Variants in TBX1 observed in about 807,000 individuals in gnomAD.
TBX1 encodes the protein T-box transcription factor TBX1.
TBX1 carries 16 observed loss-of-function variants against 40.8 expected under a neutral mutation model. That is an observed-to-expected ratio of 0.39 (90% confidence interval 0.27 to 0.60). TBX1 has a LOEUF of 0.60. Among genes scored for constraint, TBX1 ranks in the 20% least tolerant of loss-of-function variants. The probability of loss-of-function intolerance (pLI) is 0.51; values close to 1 mark genes in which losing one functional copy is unlikely to be tolerated. For missense variants in TBX1, 755 were observed against 728.5 expected, an observed-to-expected ratio of 1.04 and a Z score of -0.42; for synonymous variants, 403 against 336.8, an observed-to-expected ratio of 1.20 and a Z score of -2.15.
intron 4 of TBX1, 40 bp downstream of exon 4, chr22:19,765,153 T>G (rs773534217): frequency 3.8e-5 from 61 of 1,613,658 alleles, no homozygotes; most frequent in Non-Finnish European, 4.7e-5. Flanking sequence ...ATTCAACGCC[T>G]CTGGAAAAGC....
upstream of TBX1, chr22:19,759,560 G>C (rs1424894874): frequency 2.5e-6 from 4 of 1,581,700 alleles, no homozygotes; most frequent in African/African-American, 5.4e-5. Flanking sequence ...GGTTGCAGCG[G>C]AGGCGGCGGA....
intron 1 of TBX1, 75 bp downstream of exon 1, chr22:19,761,355 C>G (rs983862022): frequency 6.0e-5 from 85 of 1,415,614 alleles, no homozygotes; most frequent in Non-Finnish European, 7.5e-5. Flanking sequence ...GCCTGATCCG[C>G]GCGAGCGGGG....
chr22:19,763,383 C>A lies in TBX1; in HGVS notation c.539+41C>A, dbSNP rs201844150. ...TAAGCGTGAGGGACCGGGAGGGCACCCTGGAAAGTGGCGGGTCTCCGCCTG... is the reference window on the plus strand; with the variant it reads ...TAAGCGTGAGGGACCGGGAGGGCACACTGGAAAGTGGCGGGTCTCCGCCTG... On this transcript the variant is annotated intron_variant, in intron 2 of 6. Transcript: ENST00000649276. 1.6e-5 allele frequency: 26 copies of A among 1,598,062 alleles called. No homozygotes were observed. The African/African-American group carries it at 2.8e-4, about 17-fold the overall frequency.
At position 19,766,609 on chromosome 22, in the gene TBX1, G is replaced by C. The variant is rs1368514122; in HGVS notation, c.1257G>C (p.Pro419=). The C allele has an allele frequency of 1.3e-6, 2 of 1,519,180 alleles. No individual in the cohort carries two copies. The highest frequency in any genetic ancestry group is 1.4e-5 in the African/African-American group (1 of 69,760). 94.1% of individuals were successfully genotyped at this position (1,519,180 alleles called of 1,614,324 possible). ...TGGAGGCGCCCGGCGCATCGGAGCC[G>C]CTGCACCACCACCCCTACAAATATC... ...LRLEAPGASE[P]LHHHPYKYPA... is the part of the protein sequence containing the mutation. The change falls in exon 7 of 7, where the codon CCG becomes CCC. Residue 419 remains proline (P), a synonymous_variant. Transcript: ENST00000649276.
At chr22:19,765,610 T>G in intron 4 of TBX1, 148 bp from the exon 5 acceptor site, 1 of 837,556 alleles carries the variant, frequency 1.2e-6, no homozygotes, top group Non-Finnish European at 1.9e-6. Flanking sequence ...ACCAGCTCCG[T>G]AGAGGAGGGG....
rs140123922 is a variant in TBX1 at position 19,779,229 on chromosome 22, T to A, written c.1019T>A (p.Val340Asp). ...TGGGGTTGTCACCCAGGTGGACATGTCCTGAAGGACAAGGAAGTGAAAGCT... is the reference window on the plus strand; with the variant it reads ...TGGGGTTGTCACCCAGGTGGACATGACCTGAAGGACAAGGAAGTGAAAGCT... The change falls in exon 9 of 9, where the codon GTC becomes GAC. Residue 340 changes from valine (V) to aspartate (D), a missense_variant. Coordinates refer to the TBX1 transcript ENST00000329705. 2.6e-5 allele frequency: 42 copies of A among 1,614,086 alleles called. No individual in the cohort carries two copies. The highest frequency in any genetic ancestry group is 3.5e-5 in the Non-Finnish European group (41 of 1,180,042).
chr22:19,766,680 C>T lies in TBX1; in HGVS notation c.1328C>T (p.Ala443Val), dbSNP rs771606854. 1.3e-6 allele frequency: 2 copies of T among 1,548,484 alleles called. No individual in the cohort carries two copies. Among genetic ancestry groups the T allele is most frequent in the Admixed American group, 1.8e-5 (1 of 55,166 alleles). The change falls in exon 7 of 7, where the codon GCG (alanine) becomes GTG (valine). Residue 443 changes from alanine to valine, a missense_variant. Physicochemically the swap from Ala to Val is moderately conservative, Grantham distance 64. Coordinates refer to ENST00000649276, the MANE Select transcript of TBX1 (RefSeq NM_001379200.1). ...DHYLGAKSRP[A>V]PYPLPGLRGH... ...TATCTCGGGGCCAAGAGCCGGCCGGCGCCCTACCCGCTGCCCGGCCTGCGT... is the reference window on the plus strand; with the variant it reads ...TATCTCGGGGCCAAGAGCCGGCCGGTGCCCTACCCGCTGCCCGGCCTGCGT...
exon 9 of TBX1, chr22:19,779,286 T>G: frequency 6.2e-7 from 1 of 1,614,154 alleles, no homozygotes; most frequent in Non-Finnish European, 8.5e-7. Context: ...GAGAGAGAAG[T>G]GGAGCTTCTG....
downstream of TBX1, among the ~76,000 whole-genome samples, chr22:19,771,046 C>T (rs756137904): frequency 1.3e-5 from 2 of 152,166 alleles, no homozygotes; most frequent in Non-Finnish European, 2.9e-5. Flanking sequence ...GCCATGGGCA[C>T]GGGGACGTTC....
upstream of TBX1, chr22:19,759,501 C>G: frequency 1.3e-6 from 2 of 1,497,080 alleles, no homozygotes; most frequent in Non-Finnish European, 1.8e-6. Context: ...CCTATGGACG[C>G]GCGGAGCCCG....
At chr22:19,770,753 G>T (rs537543439), downstream of TBX1, among the ~76,000 whole-genome samples, 1 of 152,184 alleles carries the variant, frequency 6.6e-6, no homozygotes, top group East Asian at 1.9e-4. Context: ...CAAAGCACCC[G>T]CATACCAGAG....
downstream of TBX1, among the ~76,000 whole-genome samples, chr22:19,781,170 G>A (rs1425646113): frequency 3.3e-5 from 5 of 152,154 alleles, no homozygotes; most frequent in African/African-American, 4.8e-5. Context: ...TTTCCCCAGA[G>A]GATAGTGATG....
chr22:19,767,185 G>A lies in TBX1; in HGVS notation c.*318G>A. ...GGAAGTGATATTTATTGTTCTCCCC[G>A]AGACCGCGTCGCCCGCGGCCCGGCC... On this transcript the variant is annotated 3_prime_UTR_variant, in exon 7 of 7. Coordinates refer to ENST00000649276, the MANE Select transcript of TBX1 (RefSeq NM_001379200.1). The A allele has an allele frequency of 8.8e-7, 1 of 1,136,962 alleles. No homozygotes were observed. The highest frequency in any genetic ancestry group is 1.1e-6 in the Non-Finnish European group (1 of 927,366). 70.4% of individuals were successfully genotyped at this position (1,136,962 alleles called of 1,614,324 possible).
In TBX1 at chr22:19,766,892, C is replaced by T; in HGVS notation, c.*25C>T. 2 of 1,583,242 alleles carry T rather than the reference C, an allele frequency of 1.3e-6. No homozygotes were observed. The highest frequency in any genetic ancestry group is 1.7e-6 in the Non-Finnish European group (2 of 1,172,970). On this transcript the variant is annotated 3_prime_UTR_variant, in exon 7 of 7. Transcript: ENST00000649276. ...ACACGGGCCCTGTCGCGCTCCCGCC[C>T]CGGTCCTGCACAGCCCCGAAGTTCG...
In TBX1 at chr22:19,760,792, G is replaced by T. The variant is rs1936628435; in HGVS notation, c.-52G>T. 1 of 552,604 alleles carries T rather than the reference G, an allele frequency of 1.8e-6. No individual in the cohort carries two copies. Among genetic ancestry groups the T allele is most frequent in the Admixed American group, 6.6e-5 (1 of 15,138 alleles). 34.2% of individuals were successfully genotyped at this position (552,604 alleles called of 1,614,324 possible). ...CGGCGCCCGCCACTCGGCCCGCGGC[G>T]CGGGGCAGCGCTCAGCTTGGTGGCG... On this transcript the variant is annotated 5_prime_UTR_variant, in exon 1 of 7. Transcript: ENST00000649276.
At chr22:19,758,556 T>C (rs1248278949), upstream of TBX1, among the ~76,000 whole-genome samples, 1 of 152,096 alleles carries the variant, frequency 6.6e-6, no homozygotes, top group Non-Finnish European at 1.5e-5. Flanking sequence ...ATAGAGCTTC[T>C]CCCGGCAGGC....
intron 8 of TBX1, among the ~76,000 whole-genome samples, chr22:19,773,274 G>A (rs1459735350): frequency 1.3e-5 from 2 of 152,214 alleles, no homozygotes; most frequent in Non-Finnish European, 2.9e-5. Flanking sequence ...AGCCTGCAGG[G>A]CCCGAGCTCT....
downstream of TBX1, chr22:19,783,027 A>C (rs746785329): frequency 1.0e-5 from 10 of 969,624 alleles, no homozygotes; most frequent in South Asian, 1.3e-4. Context: ...ACTTGAAGGT[A>C]CTCAGGTTGG....
chr22:19,782,171 C>T (rs1851298584), downstream of TBX1, among the ~76,000 whole-genome samples: 1 of 152,106 alleles, frequency 6.6e-6, no homozygotes, highest in Admixed American at 6.5e-5. Context: ...TTCAAAATGG[C>T]TTTTTCTATT....
Sources: gnomAD v4.1 joint callset for allele counts (sites outside exome capture counted in the v4.1 genomes callset) on GRCh38, gnomAD v4.1.1 for gene constraint, MANE v1.5 for transcripts, NCBI Gene and HGNC (gene_info 2026-07-23, HGNC 2026-07-21) for gene names.